CELF2: variants seen among roughly 807,000 people sequenced by gnomAD.
The protein encoded by CELF2 is CUG triplet repeat RNA-binding protein 2.
Under a neutral mutation model 62.6 loss-of-function variants are expected in CELF2, and 8 were observed. The ratio of observed to expected loss-of-function variants is 0.13; its 90% confidence interval spans 0.07 to 0.23. The LOEUF is 0.23. Ranked by LOEUF, CELF2 falls within the 10% of genes least tolerant of loss-of-function variation. The probability of loss-of-function intolerance (pLI) is 1.00; values close to 1 mark genes in which losing one functional copy is unlikely to be tolerated. For missense variants in CELF2, 333 were observed against 671.0 expected (o/e 0.50, Z 5.56); for synonymous variants, 258 against 250.0 (o/e 1.03, Z -0.30).
chr10:10,531,292 T>C, the CELF2 span, among the ~76,000 whole-genome samples: 2 of 152,194 alleles, frequency 1.3e-5, no homozygotes, highest in African/African-American at 4.8e-5. Flanking sequence ...TTGATTGAAC[T>C]CTGGATGTAG....
chr10:11,073,328 A>AAC (rs974325556), intron 1 of CELF2, among the ~76,000 whole-genome samples: 3 of 152,168 alleles, frequency 2.0e-5, no homozygotes, highest in Non-Finnish European at 2.9e-5. Context: ...CTCCAGCTGC[A>AAC]ACACCCCTTA....
chr10:10,949,344 C>T (rs1015828318), intron 2 of CELF2, among the ~76,000 whole-genome samples: 1 of 152,102 alleles, frequency 6.6e-6, no homozygotes, highest in South Asian at 2.1e-4. Context: ...TCCAGTGGGG[C>T]TGTGCCTCTA....
chr10:10,777,067 G>A, the CELF2 span, among the ~76,000 whole-genome samples: 4 of 152,140 alleles, frequency 2.6e-5, no homozygotes, highest in Non-Finnish European at 5.9e-5. Context: ...TCCCGATTGT[G>A]GCATCTCTTG....
At position 11,191,419 on chromosome 10, in the gene CELF2, T is replaced by C. The variant is rs893820757; in HGVS notation, c.271+25737T>C. Reference sequence around the variant, plus strand: ...ATTGTGTGGGAGGTACCCCAGGCAATGAAACGGAGAGGTGTCTCCTGGTGT... The same window carrying C: ...ATTGTGTGGGAGGTACCCCAGGCAACGAAACGGAGAGGTGTCTCCTGGTGT... On this transcript the variant is annotated intron_variant, in intron 2 of 12. Coordinates refer to ENST00000633077, the MANE Select transcript of CELF2 (RefSeq NM_001326342.2). The surrounding 1 kb of genome is among the most constrained non-coding windows in gnomAD (Gnocchi z 4.1). Among the ~76,000 whole-genome samples, 2 of 152,152 alleles carry C rather than the reference T, an allele frequency of 1.3e-5. No homozygotes were observed. Among genetic ancestry groups the C allele is most frequent in the Non-Finnish European group, 2.9e-5 (2 of 68,018 alleles).
chr10:10,860,931 A>G (rs866340669), intron 1 of CELF2, among the ~76,000 whole-genome samples: 3 of 152,074 alleles, frequency 2.0e-5, no homozygotes, highest in Non-Finnish European at 4.4e-5. Flanking sequence ...CTTTTTTTAT[A>G]TATATAAAAG....
the CELF2 span, among the ~76,000 whole-genome samples, chr10:10,712,733 T>C: frequency 9.8e-5 from 15 of 152,326 alleles, no homozygotes; most frequent in Middle Eastern, 3.4e-3. Flanking sequence ...AGTTCACTCA[T>C]GCCTCCATCA....
chr10:10,772,075 C>T, the CELF2 span, among the ~76,000 whole-genome samples: 1 of 151,916 alleles, frequency 6.6e-6, no homozygotes. Flanking sequence ...CATTACTGTG[C>T]CTATTGTACA....
rs766327714 is a variant in CELF2, at chr10:11,285,232, C to G, written c.842-3186C>G. 6.6e-6 allele frequency among the ~76,000 whole-genome samples: 1 copy of G among 152,026 alleles called. No individual in the cohort carries two copies. Among genetic ancestry groups the G allele is most frequent in the Non-Finnish European group, 1.5e-5 (1 of 67,962 alleles). On this transcript the variant is annotated intron_variant, in intron 8 of 12. Coordinates refer to ENST00000633077, the MANE Select transcript of CELF2 (RefSeq NM_001326342.2). The surrounding 1 kb of genome is among the most constrained non-coding windows in gnomAD (Gnocchi z 4.3). ...CTAACTCTTCTTCTCTCCTTTTGTC[C>G]TCACATCCCTCAGATGCTGGGGATC...
intron 1 of CELF2, among the ~76,000 whole-genome samples, chr10:10,870,914 G>C (rs969596694): frequency 1.3e-5 from 2 of 152,126 alleles, no homozygotes; most frequent in African/African-American, 4.8e-5. Context: ...ATTTTCTCTA[G>C]ACATTACCGG....
rs1036134768 is a variant in CELF2, at chr10:11,258,548, G to C, written c.538+676G>C. Among the ~76,000 whole-genome samples, 3 of 152,140 alleles carry C rather than the reference G, an allele frequency of 2.0e-5. No homozygotes were observed. The East Asian group carries it at 5.8e-4, about 29-fold the overall frequency. On this transcript the variant is annotated intron_variant, in intron 5 of 12. Coordinates refer to ENST00000633077, the MANE Select transcript of CELF2 (RefSeq NM_001326342.2). ...ATAAGCTGGTGTTTACAGAATAGTTGGAAATCACTGTTGTTTTCCCTGTTT... is the reference window on the plus strand; with the variant it reads ...ATAAGCTGGTGTTTACAGAATAGTTCGAAATCACTGTTGTTTTCCCTGTTT...
At chr10:11,276,482 T>A (rs1286254188) in intron 8 of CELF2, among the ~76,000 whole-genome samples, 2 of 152,252 alleles carry the variant, frequency 1.3e-5, no homozygotes, top group East Asian at 3.8e-4. Flanking sequence ...TAATTTATTT[T>A]TAATTCTATG....
At chr10:10,987,579 A>G (rs2052920545) in intron 2 of CELF2, among the ~76,000 whole-genome samples, 1 of 152,182 alleles carries the variant, frequency 6.6e-6, no homozygotes, top group African/African-American at 2.4e-5. Context: ...TAGTTCAGAG[A>G]TAGAGCACAT....
At chr10:11,258,637 G>A (rs2079517886) in intron 5 of CELF2, among the ~76,000 whole-genome samples, 1 of 152,172 alleles carries the variant, frequency 6.6e-6, no homozygotes, top group African/African-American at 2.4e-5. Context: ...TGACGCTGGA[G>A]GTTGACACTC....
chr10:11,241,525 T>C (rs2073905746), intron 3 of CELF2, among the ~76,000 whole-genome samples: 1 of 152,218 alleles, frequency 6.6e-6, no homozygotes, highest in Non-Finnish European at 1.5e-5. Context: ...ATCTGACAGA[T>C]TATTTTTGTC....
chr10:11,219,811 C>T (rs2064301734), intron 3 of CELF2, among the ~76,000 whole-genome samples: 3 of 152,248 alleles, frequency 2.0e-5, no homozygotes, highest in African/African-American at 4.8e-5. Flanking sequence ...TTACAGGGTG[C>T]CTTGCGGTTT....
At chr10:11,248,025 T>C (rs901486201) in intron 3 of CELF2, among the ~76,000 whole-genome samples, 3 of 152,170 alleles carry the variant, frequency 2.0e-5, no homozygotes, top group African/African-American at 7.2e-5. Context: ...TTCCCTTTCA[T>C]TGAAATTAGA....
the CELF2 span, among the ~76,000 whole-genome samples, chr10:10,772,906 CTT>C: frequency 2.5e-3 from 380 of 152,288 alleles, 2 homozygotes; most frequent in African/African-American, 8.6e-3. Flanking sequence ...GTCATAAAAA[CTT>C]AGCTCTAGGC....
intron 1 of CELF2, among the ~76,000 whole-genome samples, chr10:10,858,766 A>T (rs2059895651): frequency 6.6e-6 from 1 of 152,212 alleles, no homozygotes; most frequent in African/African-American, 2.4e-5. Flanking sequence ...CCTAAAAAAA[A>T]AAAATCTAGG....
chr10:11,143,011 GA>G (rs1198839486), intron 1 of CELF2, among the ~76,000 whole-genome samples: 3 of 141,706 alleles, frequency 2.1e-5, no homozygotes, highest in Admixed American at 1.4e-4. Context: ...CCACTGGGGG[GA>G]CTCACTCCCC....
Sources: allele counts gnomAD v4.1 joint callset (sites outside exome capture counted in the v4.1 genomes callset), GRCh38; gene constraint gnomAD v4.1.1; non-coding constraint Gnocchi (gnomAD v3.1); transcripts MANE v1.5; gene names NCBI Gene and HGNC (gene_info 2026-07-23, HGNC 2026-07-21).